The following EPS15L1 variants were observed in gnomAD, a reference collection of about 807,000 sequenced individuals.
The protein encoded by EPS15L1 is epidermal growth factor receptor substrate 15-like 1.
Under a neutral mutation model 117.1 loss-of-function variants are expected in EPS15L1, and 43 were observed. That is an observed-to-expected ratio of 0.37 (90% CI 0.29 to 0.47). The LOEUF (loss-of-function observed/expected upper bound fraction) is 0.47, where lower values mean the gene tolerates loss of function less well. EPS15L1 is among the 20% of genes least tolerant of loss of function. The pLI is 0.99. For missense variants in EPS15L1, 981 were observed against 1,164.0 expected, an observed-to-expected ratio of 0.84 and a Z score of 2.29; for synonymous variants, 459 against 470.5, an observed-to-expected ratio of 0.98 and a Z score of 0.32.
At chr19:16,378,184 T>G (rs967732872) in intron 21 of EPS15L1, among the ~76,000 whole-genome samples, 1 of 151,908 alleles carries the variant, frequency 6.6e-6, no homozygotes, top group Non-Finnish European at 1.5e-5. Context: ...GAGGCAGATA[T>G]GTGGCGACGT....
chr19:16,372,589 A>G (rs963372916), intron 22 of EPS15L1, among the ~76,000 whole-genome samples: 9 of 152,260 alleles, frequency 5.9e-5, no homozygotes, highest in Admixed American at 4.6e-4. Flanking sequence ...GGCCCAATTA[A>G]TGACTCCCAG....
At position 16,448,559 on chromosome 19, in the gene EPS15L1, A is replaced by G. The variant is rs1452813328; in HGVS notation, c.34-6340T>C. ...GTATTAAAAAAAAAGGGGGGGGGAG[A>G]AAGGCCGGGCGCGGTGGCTCACACC... is the stretch of plus-strand genomic sequence containing the variant. On this transcript the variant is annotated intron_variant, in intron 1 of 23. Coordinates refer to ENST00000455140, the MANE Select transcript of EPS15L1 (RefSeq NM_001258374.3). 1.7e-3 allele frequency among the ~76,000 whole-genome samples: 198 copies of G among 116,090 alleles called. 2 individuals carry two copies. The highest frequency in any genetic ancestry group is 4.2e-3 in the African/African-American group (112 of 26,516). 76.2% of individuals were successfully genotyped at this position (116,090 alleles called of 152,430 possible).
chr19:16,467,269 G>C (rs942345476), intron 1 of EPS15L1, among the ~76,000 whole-genome samples: 8 of 151,680 alleles, frequency 5.3e-5, no homozygotes, highest in African/African-American at 1.9e-4. Flanking sequence ...CTGCCTCAGG[G>C]TCCCGAGTGG....
intron 1 of EPS15L1, among the ~76,000 whole-genome samples, chr19:16,456,517 C>T (rs2093197773): frequency 6.6e-6 from 1 of 151,906 alleles, no homozygotes; most frequent in Admixed American, 6.6e-5. Context: ...ATTAGCTGGG[C>T]GTGGTGGCGG....
chr19:16,459,949 C>G (rs1474225295), intron 1 of EPS15L1, among the ~76,000 whole-genome samples: 1 of 152,170 alleles, frequency 6.6e-6, no homozygotes, highest in Non-Finnish European at 1.5e-5. Flanking sequence ...TCTCTCAACT[C>G]AACAGCTAAG....
Position 16,386,913 on chromosome 19 carries a change from A to T in EPS15L1, c.2104-682T>A, listed in dbSNP as rs375161298. Among the ~76,000 whole-genome samples the T allele has an allele frequency of 9.8e-5, 15 of 152,364 alleles. No homozygotes were observed. In the Middle Eastern group the frequency reaches 0.014, roughly 138 times the overall value. ...TCCATTCCTGCTCTTTGGAGAAAAC[A>T]GACTACAGTCTCTACACAGAACGCT... On this transcript the variant is annotated intron_variant, in intron 19 of 23. Transcript: ENST00000455140.
intron 19 of EPS15L1, 73 bp downstream of exon 19, chr19:16,392,231 C>T (rs764029598): frequency 6.4e-7 from 1 of 1,566,534 alleles, no homozygotes; most frequent in Admixed American, 1.7e-5. Context: ...GGGAAGGGGG[C>T]CTTCGGGAAG....
At position 16,404,943 on chromosome 19, in the gene EPS15L1, T is replaced by C. The variant is rs1251110218; in HGVS notation, c.1267-194A>G. Among the ~76,000 whole-genome samples the C allele has an allele frequency of 6.6e-6, 1 of 152,158 alleles. No individual in the cohort carries two copies. Among genetic ancestry groups the C allele is most frequent in the Non-Finnish European group, 1.5e-5 (1 of 68,022 alleles). ...GGGCTGGAGGCCCAGGGCCACTGTC[T>C]CACCAGCTCCCTCAGCAGGTATTTC... On this transcript the variant is annotated intron_variant, in intron 13 of 23. Transcript: ENST00000455140. The surrounding 1 kb of genome is among the most constrained non-coding windows in gnomAD (Gnocchi z 4.2).
chr19:16,471,095 T>C lies in EPS15L1; in HGVS notation c.33+818A>G, dbSNP rs940013538. 2.0e-5 allele frequency among the ~76,000 whole-genome samples: 3 copies of C among 152,186 alleles called. No individual in the cohort carries two copies. The highest frequency in any genetic ancestry group is 7.2e-5 in the African/African-American group (3 of 41,454). On this transcript the variant is annotated intron_variant, in intron 1 of 23. Coordinates refer to ENST00000455140, the MANE Select transcript of EPS15L1 (RefSeq NM_001258374.3). This position sits in a 1 kb window ranked among gnomAD's most constrained non-coding sequence, Gnocchi z 4.8. The stretch of plus-strand genomic sequence containing the variant: ...CTAGCAAAATGCTTATATGGTGCTT[T>C]GCACAACACAGGTATTCAGCAAATA...
intron 9 of EPS15L1, among the ~76,000 whole-genome samples, chr19:16,422,748 G>A (rs2144956174): frequency 6.6e-6 from 1 of 152,234 alleles, no homozygotes; most frequent in Admixed American, 6.5e-5. Context: ...CCTGAGGCCA[G>A]GAGTTTGAGA....
chr19:16,442,011 C>T (rs1020131669), intron 2 of EPS15L1, 30 bp from the exon 3 acceptor site: 2 of 1,591,298 alleles, frequency 1.3e-6, no homozygotes, highest in African/African-American at 2.7e-5. Context: ...GGCAAAATAA[C>T]TTTTCAGCAA....
chr19:16,428,966 A>G (rs1008718902), intron 7 of EPS15L1, among the ~76,000 whole-genome samples: 1 of 152,202 alleles, frequency 6.6e-6, no homozygotes, highest in Non-Finnish European at 1.5e-5. Context: ...TGGTCTGACA[A>G]TCATCATGAT....
chr19:16,451,524 A>C (rs907031082), intron 1 of EPS15L1, among the ~76,000 whole-genome samples: 1 of 151,312 alleles, frequency 6.6e-6, no homozygotes, highest in African/African-American at 2.4e-5. Flanking sequence ...TTATTTATTT[A>C]TTTTATTTTT....
At chr19:16,401,745 G>C (rs2092603636) in intron 16 of EPS15L1, 1 of 985,384 alleles carries the variant, frequency 1.0e-6, no homozygotes, top group South Asian at 4.7e-5. Context: ...CAACTCCAGG[G>C]TCATGAGGTC....
At chr19:16,422,609 A>G (rs1355032170) in intron 9 of EPS15L1, among the ~76,000 whole-genome samples, 1 of 152,158 alleles carries the variant, frequency 6.6e-6, no homozygotes, top group African/African-American at 2.4e-5. Context: ...CTCACCTTCA[A>G]TGAACGCCAT....
rs1249862272 is a variant in EPS15L1, at chr19:16,370,439, C to A, written c.2380+6683G>T. On this transcript the variant is annotated intron_variant, in intron 22 of 23. Coordinates refer to ENST00000455140, the MANE Select transcript of EPS15L1 (RefSeq NM_001258374.3). The surrounding 1 kb of genome is among the most constrained non-coding windows in gnomAD (Gnocchi z 5.2). ...GAGGTGTCCTGGAGGCAGGTACACC[C>A]GATGTCCCCAGGGCGATGGCTCCCG... Among the ~76,000 whole-genome samples, 1 of 152,066 alleles carries A rather than the reference C, an allele frequency of 6.6e-6. No individual in the cohort carries two copies. The highest frequency in any genetic ancestry group is 1.9e-4 in the East Asian group (1 of 5,188).
intron 8 of EPS15L1, among the ~76,000 whole-genome samples, chr19:16,426,696 C>T (rs1339118284): frequency 1.3e-5 from 2 of 151,934 alleles, no homozygotes; most frequent in South Asian, 2.1e-4. Flanking sequence ...ACACGAAGAG[C>T]GATGGAGGAA....
At chr19:16,455,407 T>G (rs941055257) in intron 1 of EPS15L1, among the ~76,000 whole-genome samples, 2 of 152,178 alleles carry the variant, frequency 1.3e-5, no homozygotes, top group African/African-American at 4.8e-5. Flanking sequence ...ATTACAGGCA[T>G]GAGCACCAAA....
At chr19:16,465,615 G>A (rs116367835) in intron 1 of EPS15L1, among the ~76,000 whole-genome samples, 1,744 of 152,222 alleles carry the variant, frequency 0.011, 29 homozygotes, top group African/African-American at 0.04. Flanking sequence ...GCCAAGAGTC[G>A]AGGCTGCAAT....
Sources: allele counts gnomAD v4.1 joint callset (sites outside exome capture counted in the v4.1 genomes callset), GRCh38; gene constraint gnomAD v4.1.1; non-coding constraint Gnocchi (gnomAD v3.1); transcripts MANE v1.5; gene names NCBI Gene and HGNC (gene_info 2026-07-23, HGNC 2026-07-21).